The following ADAMTS2 variants were observed in gnomAD, a reference collection of about 807,000 sequenced individuals.
The protein encoded by ADAMTS2 is A disintegrin and metalloproteinase with thrombospondin motifs 2.
A neutral mutation model predicts 123.0 loss-of-function variants in ADAMTS2; 50 were observed. The observed-to-expected ratio is 0.41, with a 90% CI of 0.32 to 0.51. The LOEUF (loss-of-function observed/expected upper bound fraction) is 0.51, where lower values mean the gene tolerates loss of function less well. Among genes scored for constraint, ADAMTS2 ranks in the 20% least tolerant of loss-of-function variants. The pLI is 0.35. For synonymous variants in ADAMTS2, 678 were observed against 695.4 expected, an observed-to-expected ratio of 0.98 and a Z score of 0.39; for missense variants, 1,494 against 1,705.2, an observed-to-expected ratio of 0.88 and a Z score of 2.18.
rs1413388250 is a variant in ADAMTS2, at chr5:179,228,768, C to T, written c.689-21053G>A. On this transcript the variant is annotated intron_variant, in intron 3 of 21. Coordinates refer to ENST00000251582, the MANE Select transcript of ADAMTS2 (RefSeq NM_014244.5). The surrounding 1 kb of genome is among the most constrained non-coding windows in gnomAD (Gnocchi z 5.2). Reference sequence around the variant, plus strand: ...GAAGGCTCCTGTGGGGCTCCAGACCCGGGGCGGTGCCTTCACCACGGCCTC... The same window carrying T: ...GAAGGCTCCTGTGGGGCTCCAGACCTGGGGCGGTGCCTTCACCACGGCCTC... 6.6e-6 allele frequency among the ~76,000 whole-genome samples: 1 copy of T among 152,236 alleles called. No individual in the cohort carries two copies. Among genetic ancestry groups the T allele is most frequent in the African/African-American group, 2.4e-5 (1 of 41,460 alleles).
chr5:179,127,273 G>A (rs1311213397), intron 17 of ADAMTS2, among the ~76,000 whole-genome samples: 1 of 152,138 alleles, frequency 6.6e-6, no homozygotes, highest in Non-Finnish European at 1.5e-5. Context: ...TGTGGGGCCG[G>A]GGGTGCCCAG....
At chr5:179,319,263 G>A (rs1489882989) in intron 2 of ADAMTS2, among the ~76,000 whole-genome samples, 1 of 152,148 alleles carries the variant, frequency 6.6e-6, no homozygotes, top group Non-Finnish European at 1.5e-5. Flanking sequence ...GTCCACACAT[G>A]TGCACTACAC....
At chr5:179,196,110 G>T (rs924359870) in intron 4 of ADAMTS2, among the ~76,000 whole-genome samples, 54 of 152,166 alleles carry the variant, frequency 3.5e-4, no homozygotes, top group African/African-American at 1.3e-3. Context: ...CGTGAAAGTT[G>T]GTGAGAAATT....
rs554713153 is a variant in ADAMTS2, at chr5:179,184,509, T to TAAA, written c.892-3357_892-3355dup. Among the ~76,000 whole-genome samples, 16 of 91,364 alleles carry TAAA rather than the reference T, an allele frequency of 1.8e-4. No individual in the cohort carries two copies. The South Asian group carries it at 2.8e-3, about 16-fold the overall frequency. The allele number at this position is 91,364 out of a possible 152,430, so 59.9% of individuals were successfully genotyped here. A position where few individuals can be genotyped will look rare whatever the true frequency, so the allele number is the denominator to read the frequency against. ...CTGGGAGACAGAGCAAGACTCTGTCTAAAAAAAAAAAAAAAAAAAAAAGAA... is the reference window on the plus strand; with the variant it reads ...CTGGGAGACAGAGCAAGACTCTGTCTAAAAAAAAAAAAAAAAAAAAAAAAAGAA... On this transcript the variant is annotated intron_variant, in intron 4 of 21. Coordinates refer to ENST00000251582, the MANE Select transcript of ADAMTS2 (RefSeq NM_014244.5).
At position 179,343,552 on chromosome 5, in the gene ADAMTS2, T is replaced by C. The variant is rs114526888; in HGVS notation, c.534+215A>G. 0.026 allele frequency among the ~76,000 whole-genome samples: 3,951 copies of C among 151,980 alleles called. 169 individuals carry two copies. Among genetic ancestry groups the C allele is most frequent in the African/African-American group, 0.089 (3,701 of 41,424 alleles). On this transcript the variant is annotated intron_variant, in intron 2 of 21. Transcript: ENST00000251582. The stretch of plus-strand genomic sequence containing the variant: ...CTGAGCCTTTTGGAGACCCGGGCGC[T>C]CCCCATGCATAAATGGCCCCCTGCT...
chr5:179,339,514 G>A (rs1194052254), intron 2 of ADAMTS2, among the ~76,000 whole-genome samples: 2 of 152,188 alleles, frequency 1.3e-5, no homozygotes, highest in Admixed American at 1.3e-4. Flanking sequence ...ATATGAGCAG[G>A]GGTTTCTGTC....
chr5:179,333,096 G>A (rs898900407), intron 2 of ADAMTS2, among the ~76,000 whole-genome samples: 2 of 152,168 alleles, frequency 1.3e-5, no homozygotes, highest in Non-Finnish European at 2.9e-5. Flanking sequence ...TGAGAGACCC[G>A]AGAGCAGAGG....
At chr5:179,183,912 C>T (rs920939579) in intron 4 of ADAMTS2, among the ~76,000 whole-genome samples, 3 of 152,202 alleles carry the variant, frequency 2.0e-5, no homozygotes, top group African/African-American at 7.2e-5. Flanking sequence ...GAGCCTGCAT[C>T]CTCTCTCTCT....
At chr5:179,327,805 T>C (rs908693685) in intron 2 of ADAMTS2, among the ~76,000 whole-genome samples, 1 of 151,972 alleles carries the variant, frequency 6.6e-6, no homozygotes, top group African/African-American at 2.4e-5. Flanking sequence ...CCACACAAAA[T>C]TACTAAAGAC....
chr5:179,342,101 A>G (rs1757791216), intron 2 of ADAMTS2, among the ~76,000 whole-genome samples: 1 of 152,218 alleles, frequency 6.6e-6, no homozygotes, highest in Non-Finnish European at 1.5e-5. Context: ...TGACCAGTAC[A>G]GGGGATAAAC....
At chr5:179,207,469 TGACCC>T in intron 4 of ADAMTS2, 39 bp downstream of exon 4, 1 of 1,483,346 alleles carries the variant, frequency 6.7e-7, no homozygotes, top group African/African-American at 1.4e-5. Flanking sequence ...AGCCCCTGGT[TGACCC>T]TCCCCGCCCC....
intron 11 of ADAMTS2, 86 bp from the exon 12 acceptor site, chr5:179,138,030 G>A: frequency 7.0e-7 from 1 of 1,433,388 alleles, no homozygotes; most frequent in South Asian, 1.2e-5. Context: ...TTTTAGGGGG[G>A]ATCCCTAAGT....
chr5:179,295,284 A>G (rs531403571), intron 2 of ADAMTS2, among the ~76,000 whole-genome samples: 1 of 152,282 alleles, frequency 6.6e-6, no homozygotes, highest in South Asian at 2.1e-4. Context: ...CCTGTCCTAC[A>G]GCCCAGTAGG....
At chr5:179,219,495 C>A (rs1765076158) in intron 3 of ADAMTS2, among the ~76,000 whole-genome samples, 1 of 152,244 alleles carries the variant, frequency 6.6e-6, no homozygotes. Flanking sequence ...TCTCTTCTGC[C>A]CTGTGCCTGC....
At chr5:179,159,709 C>A (rs57291775) in intron 5 of ADAMTS2, among the ~76,000 whole-genome samples, 1,671 of 152,236 alleles carry the variant, frequency 0.011, 33 homozygotes, top group African/African-American at 0.037. Flanking sequence ...GACTAAGAAG[C>A]CTGTCTTGGA....
chr5:179,273,337 G>C (rs1463227748), intron 2 of ADAMTS2, among the ~76,000 whole-genome samples: 1 of 152,118 alleles, frequency 6.6e-6, no homozygotes, highest in African/African-American at 2.4e-5. Flanking sequence ...AAAAGTTACT[G>C]TGTTTATAAA....
rs10065907 is a variant in ADAMTS2, at chr5:179,213,289, G to A, written c.689-5574C>T. On this transcript the variant is annotated intron_variant, in intron 3 of 21. Transcript: ENST00000251582. ...AATCAGCCCTCCCCTGATTTCTCCC[G>A]ACAGCACCCCGTGCTCTTCCTTCCT... 9.7e-3 allele frequency among the ~76,000 whole-genome samples: 1,482 copies of A among 152,250 alleles called. 22 individuals are homozygous for A. Among genetic ancestry groups the A allele is most frequent in the African/African-American group, 0.034 (1,412 of 41,538 alleles).
chr5:179,288,094 T>A (rs1756079256), intron 2 of ADAMTS2, among the ~76,000 whole-genome samples: 2 of 152,174 alleles, frequency 1.3e-5, no homozygotes, highest in South Asian at 4.1e-4. Flanking sequence ...GGACCCCCCC[T>A]TTCACTTTCC....
rs372498555 is a variant in ADAMTS2, at chr5:179,124,986, C to T, written c.2945G>A (p.Gly982Glu). ...RELCPGRWRA[G>E]PWSQCSVTCG... is the part of the protein sequence containing the mutation. ...GGGATTGCGTACCTGGGACCAGGGC[C>T]CGGCTCGCCAACGACCAGGGCAGAG... The change falls in exon 19 of 22, where the codon GGG (glycine) becomes GAG (glutamate). Residue 982 changes from glycine to glutamate, a missense_variant. Gly to Glu is a moderately conservative substitution (Grantham distance 98). Around this residue, in one of 6 missense-constraint regions of ADAMTS2, gnomAD observed 953 missense variants for 1,124.7 expected, o/e 0.85. Coordinates refer to ENST00000251582, the MANE Select transcript of ADAMTS2 (RefSeq NM_014244.5). The T allele has an allele frequency of 6.9e-6, 11 of 1,605,786 alleles. No individual in the cohort carries two copies. In the African/African-American group the frequency reaches 1.5e-4, roughly 22 times the overall value.
Sources: gnomAD v4.1 joint callset for allele counts (sites outside exome capture counted in the v4.1 genomes callset) on GRCh38, gnomAD v4.1.1 for gene constraint, gnomAD v4.1.1 regional missense constraint, Gnocchi (gnomAD v3.1) non-coding constraint, MANE v1.5 for transcripts, NCBI Gene and HGNC (gene_info 2026-07-23, HGNC 2026-07-21) for gene names.